The following ADAMTS6 variants were observed in gnomAD, a reference collection of about 807,000 sequenced individuals.
The protein encoded by ADAMTS6 is A disintegrin and metalloproteinase with thrombospondin motifs 6.
In ADAMTS6, 23 loss-of-function variants were observed where a neutral mutation model predicts 144.3. That is an observed-to-expected ratio of 0.16 (90% CI 0.11 to 0.23). ADAMTS6 has a LOEUF of 0.23. ADAMTS6 is among the 10% of genes least tolerant of loss of function. The pLI is 1.00. For synonymous variants in ADAMTS6, 444 were observed against 457.5 expected (o/e 0.97, Z 0.38); for missense variants, 999 against 1,379.6 (o/e 0.72, Z 4.37).
intron 20 of ADAMTS6, among the ~76,000 whole-genome samples, chr5:65,209,381 T>G (rs996829156): frequency 6.6e-6 from 1 of 152,240 alleles, no homozygotes; most frequent in Non-Finnish European, 1.5e-5. Context: ...GCCATGTTTT[T>G]GGGCTTGGAT....
intron 9 of ADAMTS6, among the ~76,000 whole-genome samples, chr5:65,328,484 T>C (rs1746393822): frequency 6.6e-6 from 1 of 152,086 alleles, no homozygotes; most frequent in African/African-American, 2.4e-5. Flanking sequence ...CAGATATAAT[T>C]AGTCATTTGC....
intron 7 of ADAMTS6, among the ~76,000 whole-genome samples, chr5:65,417,946 G>A (rs1304464364): frequency 6.6e-6 from 1 of 152,064 alleles, no homozygotes; most frequent in Non-Finnish European, 1.5e-5. Context: ...AACAAAGCTG[G>A]AGTCATCACA....
chr5:65,323,927 C>A (rs1361679912), intron 9 of ADAMTS6, among the ~76,000 whole-genome samples: 1 of 152,094 alleles, frequency 6.6e-6, no homozygotes, highest in East Asian at 1.9e-4. Flanking sequence ...TTTTGAGAAG[C>A]GTCTGTTCAT....
At chr5:65,222,609 A>G (rs887233975) in intron 18 of ADAMTS6, among the ~76,000 whole-genome samples, 2 of 152,066 alleles carry the variant, frequency 1.3e-5, no homozygotes, top group African/African-American at 2.4e-5. Context: ...TTCTTCCCCA[A>G]ATAGATTTGC....
intron 7 of ADAMTS6, among the ~76,000 whole-genome samples, chr5:65,428,772 T>C (rs1467042375): frequency 6.6e-6 from 1 of 152,230 alleles, no homozygotes; most frequent in African/African-American, 2.4e-5. Context: ...ATTCAGTCTG[T>C]ATTAAGTCAA....
In ADAMTS6 at chr5:65,210,724, C is replaced by T. The variant is rs1756467529; in HGVS notation, c.2575+4070G>A. On this transcript the variant is annotated intron_variant, in intron 20 of 24. Coordinates refer to ENST00000381055, the MANE Select transcript of ADAMTS6 (RefSeq NM_197941.4). ...AGTACACCAGAAGCACATCATGGGC[C>T]AGAATGTTTCAGATTACATGTGCTA... is the stretch of plus-strand genomic sequence containing the variant. The T allele has an allele frequency of 4.7e-6, 3 of 643,772 alleles. No individual in the cohort carries two copies. In the African/African-American group the frequency reaches 5.4e-5, roughly 12 times the overall value. 39.9% of individuals were successfully genotyped at this position (643,772 alleles called of 1,614,324 possible).
chr5:65,247,017 A>G (rs1239689202), intron 14 of ADAMTS6, among the ~76,000 whole-genome samples: 2 of 152,186 alleles, frequency 1.3e-5, no homozygotes, highest in East Asian at 3.8e-4. Flanking sequence ...TGCTGACACT[A>G]TGCAGAAACC....
intron 7 of ADAMTS6, among the ~76,000 whole-genome samples, chr5:65,362,947 C>T (rs1026938955): frequency 6.6e-6 from 1 of 152,110 alleles, no homozygotes; most frequent in Non-Finnish European, 1.5e-5. Flanking sequence ...GAATATATAA[C>T]AAACCCCAGT....
intron 12 of ADAMTS6, among the ~76,000 whole-genome samples, chr5:65,268,564 C>T (rs575538678): frequency 1.3e-5 from 2 of 152,278 alleles, no homozygotes; most frequent in East Asian, 3.9e-4. Context: ...CTGGGCTCAT[C>T]AAATTTCCTC....
chr5:65,248,900 A>C (rs1759889656), intron 14 of ADAMTS6, among the ~76,000 whole-genome samples: 1 of 152,190 alleles, frequency 6.6e-6, no homozygotes, highest in South Asian at 2.1e-4. Flanking sequence ...ATTTCTCAAA[A>C]CATAATAAAT....
chr5:65,250,103 T>C (rs948018651), intron 14 of ADAMTS6, among the ~76,000 whole-genome samples: 2 of 152,234 alleles, frequency 1.3e-5, no homozygotes, highest in African/African-American at 4.8e-5. Flanking sequence ...TTTTTAAAAA[T>C]ACTTGTCTTT....
At chr5:65,383,566 T>C (rs1360657327) in intron 7 of ADAMTS6, among the ~76,000 whole-genome samples, 2 of 152,210 alleles carry the variant, frequency 1.3e-5, no homozygotes, top group Non-Finnish European at 2.9e-5. Context: ...CCCCCAAGGC[T>C]CCAGGCAATC....
At chr5:65,196,122 C>G (rs1755327106) in intron 21 of ADAMTS6, among the ~76,000 whole-genome samples, 1 of 152,146 alleles carries the variant, frequency 6.6e-6, no homozygotes, top group African/African-American at 2.4e-5. Context: ...TGAAGTATAC[C>G]TCTATGCCTG....
At chr5:65,352,946 A>G (rs1417287873) in intron 7 of ADAMTS6, among the ~76,000 whole-genome samples, 1 of 152,046 alleles carries the variant, frequency 6.6e-6, no homozygotes, top group African/African-American at 2.4e-5. Context: ...ACCCTCCAGC[A>G]CTATGTTCCT....
intron 9 of ADAMTS6, among the ~76,000 whole-genome samples, chr5:65,322,579 T>G (rs1017386606): frequency 1.8e-5 from 2 of 113,110 alleles, no homozygotes; most frequent in African/African-American, 7.3e-5. Context: ...TTTTTTTTTT[T>G]GTAGAGATCT....
intron 18 of ADAMTS6, among the ~76,000 whole-genome samples, 165 bp downstream of exon 18, chr5:65,224,155 T>C (rs1250676362): frequency 3.9e-5 from 6 of 152,176 alleles, no homozygotes; most frequent in Non-Finnish European, 8.8e-5. Context: ...AACTCTAATT[T>C]TTCTCTTTAG....
intron 14 of ADAMTS6, among the ~76,000 whole-genome samples, chr5:65,244,578 G>A (rs899549339): frequency 2.0e-5 from 3 of 152,002 alleles, no homozygotes; most frequent in Non-Finnish European, 2.9e-5. Flanking sequence ...TAACAATAGC[G>A]AGCTAGTATT....
intron 20 of ADAMTS6, among the ~76,000 whole-genome samples, chr5:65,197,357 C>T (rs565501653): frequency 9.2e-4 from 140 of 152,218 alleles, no homozygotes; most frequent in Admixed American, 3.2e-3. Flanking sequence ...TATTTAGAAA[C>T]GTAACTATTT....
chr5:65,332,677 A>C (rs930951041), intron 8 of ADAMTS6, among the ~76,000 whole-genome samples: 3 of 152,036 alleles, frequency 2.0e-5, no homozygotes, highest in African/African-American at 7.2e-5. Flanking sequence ...TAGATAACAA[A>C]ATTGAGGAAC....
Sources: allele counts gnomAD v4.1 joint callset (sites outside exome capture counted in the v4.1 genomes callset), GRCh38; gene constraint gnomAD v4.1.1; transcripts MANE v1.5; gene names NCBI Gene and HGNC (gene_info 2026-07-23, HGNC 2026-07-21).